Variants in CGGBP1 observed in about 807,000 individuals in gnomAD.
The protein encoded by CGGBP1 is CGG triplet repeat-binding protein 1.
CGGBP1 carries 4 observed loss-of-function variants against 11.4 expected under a neutral mutation model. The ratio of observed to expected loss-of-function variants is 0.35; its 90% CI spans 0.17 to 0.80. CGGBP1 has a LOEUF of 0.80. CGGBP1 is among the 30% of genes least tolerant of loss of function. CGGBP1 has a pLI of 0.52. For synonymous variants in CGGBP1, 76 were observed against 74.1 expected (o/e 1.03, Z -0.13); for missense variants, 135 against 202.1 (o/e 0.67, Z 2.01).
At chr3:88,109,570 A>G (rs1371327800) in intron 2 of CGGBP1, among the ~76,000 whole-genome samples, 2 of 152,096 alleles carry the variant, frequency 1.3e-5, no homozygotes, top group East Asian at 3.9e-4. Context: ...TTAGTGTAAA[A>G]ATTACTAATA....
chr3:88,128,938 A>G, intron 2 of CGGBP1: 1 of 1,535,548 alleles, frequency 6.5e-7, no homozygotes, highest in South Asian at 1.2e-5. Context: ...GAAATCAGTA[A>G]AGACTTATAC....
chr3:88,140,844 C>T, intron 2 of CGGBP1: 6 of 1,613,548 alleles, frequency 3.7e-6, no homozygotes, highest in Non-Finnish European at 5.1e-6. Flanking sequence ...CCTTGATGAA[C>T]GGTATCTTAG....
At chr3:88,101,822 T>C (rs1327139688) in intron 2 of CGGBP1, among the ~76,000 whole-genome samples, 7 of 152,182 alleles carry the variant, frequency 4.6e-5, no homozygotes, top group Non-Finnish European at 8.8e-5. Context: ...TCTTCACTAA[T>C]ACTTTTTATC....
rs78670676 is a variant in CGGBP1, at chr3:88,083,941, TTATA to T, written c.-228-25722_-228-25719del. Among the ~76,000 whole-genome samples the T allele has an allele frequency of 1.9e-3, 276 of 147,762 alleles. 3 individuals carry two copies. Among genetic ancestry groups the T allele is most frequent in the Admixed American group, 5.2e-3 (77 of 14,948 alleles). ...AATAGGACAATGTAATGTACTTATT[TTATA>T]TATATATATATATATATATATAGAA... On this transcript the variant is annotated intron_variant, in intron 2 of 3. Transcript: ENST00000462901.
chr3:88,132,179 TAGGC>T (rs1395133489), intron 2 of CGGBP1, among the ~76,000 whole-genome samples: 1 of 152,126 alleles, frequency 6.6e-6, no homozygotes, highest in Non-Finnish European at 1.5e-5. Context: ...GATTCAAACT[TAGGC>T]AGTCTTCCAG....
chr3:88,076,050 G>A (rs558158414), intron 2 of CGGBP1, among the ~76,000 whole-genome samples: 1 of 152,158 alleles, frequency 6.6e-6, no homozygotes, highest in Non-Finnish European at 1.5e-5. Context: ...ACTGTATGTT[G>A]TCGTTTGTGG....
chr3:88,098,157 C>T (rs1284436610), intron 2 of CGGBP1, among the ~76,000 whole-genome samples: 4 of 151,994 alleles, frequency 2.6e-5, no homozygotes, highest in African/African-American at 7.2e-5. Flanking sequence ...ATATCACCAC[C>T]GATCCCACAA....
chr3:88,091,870 C>A (rs1359925535), intron 2 of CGGBP1, among the ~76,000 whole-genome samples: 3 of 152,156 alleles, frequency 2.0e-5, no homozygotes, highest in African/African-American at 7.2e-5. Flanking sequence ...AACTGTGAGT[C>A]CATTAAACCT....
chr3:88,076,761 C>T (rs1313770552), intron 2 of CGGBP1, among the ~76,000 whole-genome samples: 1 of 152,300 alleles, frequency 6.6e-6, no homozygotes, highest in East Asian at 1.9e-4. Flanking sequence ...ATATTACTCT[C>T]AGCTCTGATT....
intron 2 of CGGBP1, among the ~76,000 whole-genome samples, chr3:88,133,589 TA>T (rs63157760): frequency 0.15 from 22,362 of 152,094 alleles, 1,716 homozygotes; most frequent in African/African-American, 0.17. Context: ...TTTCCAAATA[TA>T]GCAGTCAGCA....
intron 2 of CGGBP1, among the ~76,000 whole-genome samples, chr3:88,075,611 T>C (rs1707755183): frequency 6.6e-6 from 1 of 152,216 alleles, no homozygotes; most frequent in Non-Finnish European, 1.5e-5. Flanking sequence ...TTGCATAATT[T>C]GTTCTACTTT....
intron 2 of CGGBP1, among the ~76,000 whole-genome samples, chr3:88,112,826 T>C (rs1443320004): frequency 6.6e-6 from 1 of 152,082 alleles, no homozygotes; most frequent in Admixed American, 6.6e-5. Context: ...TGTTGTGACC[T>C]TGTATGCCAT....
intron 2 of CGGBP1, among the ~76,000 whole-genome samples, chr3:88,090,065 C>T (rs1467246881): frequency 6.6e-6 from 1 of 152,110 alleles, no homozygotes; most frequent in Non-Finnish European, 1.5e-5. Context: ...ACATATAATA[C>T]ATAATACTTG....
At chr3:88,070,563 GTTTTTTTTT>G (rs67079285) in intron 2 of CGGBP1, among the ~76,000 whole-genome samples, 25 of 111,306 alleles carry the variant, frequency 2.2e-4, no homozygotes, top group African/African-American at 7.1e-4. Flanking sequence ...AACACTGCCT[GTTTTTTTTT>G]TTTTTTTTTT....
intron 2 of CGGBP1, among the ~76,000 whole-genome samples, chr3:88,086,847 A>T (rs1228770681): frequency 7.2e-5 from 11 of 152,176 alleles, no homozygotes; most frequent in Non-Finnish European, 1.5e-4. Flanking sequence ...CAGTGGTGCC[A>T]TCTCGGCTCA....
chr3:88,139,732 A>C (rs1426109943), intron 2 of CGGBP1: 5 of 1,558,014 alleles, frequency 3.2e-6, no homozygotes, highest in Non-Finnish European at 4.3e-6. Flanking sequence ...TCTTTAAATA[A>C]TGTTTTCAAG....
intron 2 of CGGBP1, chr3:88,139,898 A>G (rs1707014711): frequency 1.2e-5 from 20 of 1,613,040 alleles, no homozygotes; most frequent in Non-Finnish European, 1.7e-5. Flanking sequence ...CAGATCAAGA[A>G]GGAAACTTTA....
At chr3:88,071,552 C>T (rs1304812949) in intron 2 of CGGBP1, among the ~76,000 whole-genome samples, 2 of 152,188 alleles carry the variant, frequency 1.3e-5, no homozygotes, top group African/African-American at 2.4e-5. Flanking sequence ...AGGAGAATGG[C>T]GTGAACCTGG....
In CGGBP1 at chr3:88,055,009, ATC is replaced by A. The variant is rs34893695; in HGVS notation, c.*462_*463del. 0.78 allele frequency: 119,511 copies of A among 152,554 alleles called. 47,732 individuals are homozygous for A. Among genetic ancestry groups the A allele is most frequent in the South Asian group, 0.91 (4,388 of 4,828 alleles). The allele number at this position is 152,554 out of a possible 1,614,324, so 9.5% of individuals were successfully genotyped here. A position where few individuals can be genotyped will look rare whatever the true frequency, so the allele number is the denominator to read the frequency against. Reference sequence around the variant, plus strand: ...GAAGATATAAGAACAGTTTTCCACTATCTCCCTTCCTTTTTGAAGAGGATCCT... The same window carrying A: ...GAAGATATAAGAACAGTTTTCCACTATCCCTTCCTTTTTGAAGAGGATCCT... On this transcript the variant is annotated 3_prime_UTR_variant, in exon 4 of 4. Transcript: ENST00000482016. This position sits in a 1 kb window ranked among gnomAD's most constrained non-coding sequence, Gnocchi z 4.2.
Sources: allele counts gnomAD v4.1 joint callset (sites outside exome capture counted in the v4.1 genomes callset), GRCh38; gene constraint gnomAD v4.1.1; non-coding constraint Gnocchi (gnomAD v3.1); transcripts MANE v1.5; gene names NCBI Gene and HGNC (gene_info 2026-07-23, HGNC 2026-07-21).